KCNIP4: variants seen among roughly 807,000 people sequenced by gnomAD.
KCNIP4 encodes Kv channel-interacting protein 4.
A neutral mutation model predicts 34.0 loss-of-function variants in KCNIP4; 12 were observed. The observed-to-expected ratio is 0.35, with a 90% CI of 0.23 to 0.57. The LOEUF is 0.57. KCNIP4 is among the 20% of genes least tolerant of loss of function. KCNIP4 has a pLI of 0.83. For missense variants in KCNIP4, 238 were observed against 311.7 expected (o/e 0.76, Z 1.78); for synonymous variants, 124 against 102.2 (o/e 1.21, Z -1.29).
At chr4:21,111,723 G>A (rs895685592) in intron 1 of KCNIP4, among the ~76,000 whole-genome samples, 1 of 152,160 alleles carries the variant, frequency 6.6e-6, no homozygotes, top group African/African-American at 2.4e-5. Context: ...AGGGGTCAGG[G>A]GTGGCTCAGA....
chr4:20,813,237 G>A (rs1473844219), intron 3 of KCNIP4, among the ~76,000 whole-genome samples: 1 of 152,118 alleles, frequency 6.6e-6, no homozygotes, highest in African/African-American at 2.4e-5. Flanking sequence ...CTCAAATAAA[G>A]TAGGACTGGA....
At chr4:21,248,052 A>G (rs1028094911) in intron 1 of KCNIP4, among the ~76,000 whole-genome samples, 2 of 68,456 alleles carry the variant, frequency 2.9e-5, no homozygotes, top group African/African-American at 2.1e-4. Context: ...GGTGGAGCAT[A>G]TATATATATG....
intron 1 of KCNIP4, among the ~76,000 whole-genome samples, chr4:20,926,837 C>T (rs1160915766): frequency 6.6e-6 from 1 of 152,146 alleles, no homozygotes; most frequent in African/African-American, 2.4e-5. Flanking sequence ...CTTAGTTTCT[C>T]TTGCTCAAAT....
In KCNIP4 at chr4:20,781,958, A is replaced by G. The variant is rs554461412; in HGVS notation, c.289-23068T>C. The stretch of plus-strand genomic sequence containing the variant: ...CACAAGCAAGCTAGTTACTTCCTAG[A>G]TACAATGGGAGTACAGGTATTAGGT... On this transcript the variant is annotated intron_variant, in intron 3 of 8. Transcript: ENST00000382152. 1.3e-3 allele frequency among the ~76,000 whole-genome samples: 197 copies of G among 152,326 alleles called. 4 individuals are homozygous for G. In the South Asian group the frequency reaches 0.039, roughly 30 times the overall value.
intron 1 of KCNIP4, among the ~76,000 whole-genome samples, chr4:21,723,061 T>C (rs1714936303): frequency 6.6e-6 from 1 of 152,112 alleles, no homozygotes; most frequent in Non-Finnish European, 1.5e-5. Context: ...TTCTACAGAA[T>C]AAAATTTAAC....
chr4:21,136,850 C>T (rs1428514623), intron 1 of KCNIP4, among the ~76,000 whole-genome samples: 1 of 152,076 alleles, frequency 6.6e-6, no homozygotes, highest in Non-Finnish European at 1.5e-5. Context: ...AGTCACTGTC[C>T]CTTTTCCTTG....
intron 1 of KCNIP4, among the ~76,000 whole-genome samples, chr4:21,238,031 A>T (rs1577940581): frequency 6.6e-6 from 1 of 152,158 alleles, no homozygotes. Context: ...CTTATCCACC[A>T]TGATCAAGTG....
intron 1 of KCNIP4, among the ~76,000 whole-genome samples, chr4:21,676,851 T>C (rs1168845557): frequency 1.3e-5 from 2 of 152,076 alleles, no homozygotes; most frequent in African/African-American, 4.8e-5. Flanking sequence ...ATATATCAGA[T>C]AAAATTACAT....
intron 1 of KCNIP4, among the ~76,000 whole-genome samples, chr4:21,292,669 C>T (rs973821659): frequency 2.0e-5 from 3 of 152,132 alleles, no homozygotes; most frequent in African/African-American, 4.8e-5. Context: ...CAATTACTCC[C>T]CACCACACAA....
At chr4:21,590,480 G>A (rs1742108807) in intron 1 of KCNIP4, among the ~76,000 whole-genome samples, 1 of 151,880 alleles carries the variant, frequency 6.6e-6, no homozygotes, top group South Asian at 2.1e-4. Flanking sequence ...TTTGCAACCA[G>A]ACAGGTTGTA....
intron 3 of KCNIP4, among the ~76,000 whole-genome samples, chr4:20,766,069 T>G (rs1755378702): frequency 6.6e-6 from 1 of 152,212 alleles, no homozygotes; most frequent in South Asian, 2.1e-4. Context: ...CTGATGATAT[T>G]AAGCTAATAC....
At chr4:21,487,236 T>C (rs1731995837) in intron 1 of KCNIP4, among the ~76,000 whole-genome samples, 1 of 152,240 alleles carries the variant, frequency 6.6e-6, no homozygotes, top group Admixed American at 6.5e-5. Context: ...TCAGACTTTT[T>C]TTGTTTTTTG....
intron 1 of KCNIP4, among the ~76,000 whole-genome samples, chr4:21,880,886 C>G (rs928895996): frequency 6.6e-6 from 1 of 152,132 alleles, no homozygotes; most frequent in Non-Finnish European, 1.5e-5. Context: ...CCTCTTACTT[C>G]TTATGTGGAT....
chr4:20,802,212 C>CT (rs1560475563), intron 3 of KCNIP4, among the ~76,000 whole-genome samples: 1 of 40,646 alleles, frequency 2.5e-5, no homozygotes, highest in African/African-American at 8.0e-5. Flanking sequence ...ATATATGCTA[C>CT]ATATATGCTA....
At chr4:21,473,916 G>A (rs185771385) in intron 1 of KCNIP4, among the ~76,000 whole-genome samples, 1 of 152,082 alleles carries the variant, frequency 6.6e-6, no homozygotes, top group Non-Finnish European at 1.5e-5. Context: ...GTTCCACCAT[G>A]TTGGCCAGGC....
chr4:21,738,324 A>G (rs2109124026), intron 1 of KCNIP4, among the ~76,000 whole-genome samples: 1 of 152,274 alleles, frequency 6.6e-6, no homozygotes, highest in African/African-American at 2.4e-5. Flanking sequence ...TGTTTAAATT[A>G]AATGAAATGA....
chr4:21,465,617 A>G (rs1729854450), intron 1 of KCNIP4, among the ~76,000 whole-genome samples: 1 of 152,170 alleles, frequency 6.6e-6, no homozygotes, highest in Non-Finnish European at 1.5e-5. Context: ...GAAACTTACT[A>G]GATATTGGAC....
intron 1 of KCNIP4, among the ~76,000 whole-genome samples, chr4:21,433,218 C>T (rs373846843): frequency 7.2e-4 from 110 of 152,238 alleles, no homozygotes; most frequent in African/African-American, 2.6e-3. Flanking sequence ...AATATACATA[C>T]GTAACTAAGT....
intron 1 of KCNIP4, among the ~76,000 whole-genome samples, chr4:21,397,796 C>A (rs372563980): frequency 6.6e-6 from 1 of 152,090 alleles, no homozygotes; most frequent in African/African-American, 2.4e-5. Flanking sequence ...AGTGGGGGCT[C>A]CTGTTTTCAA....
Sources: allele counts gnomAD v4.1 joint callset (sites outside exome capture counted in the v4.1 genomes callset), GRCh38; gene constraint gnomAD v4.1.1; transcripts MANE v1.5; gene names NCBI Gene and HGNC (gene_info 2026-07-23, HGNC 2026-07-21).